The following RSPO1 variants were observed in gnomAD, a reference collection of about 807,000 sequenced individuals.
The protein encoded by RSPO1 is R-spondin 1.
A neutral mutation model predicts 26.0 loss-of-function variants in RSPO1; 18 were observed. The observed-to-expected ratio is 0.69, with a 90% CI of 0.48 to 1.03. RSPO1 has a LOEUF of 1.03. RSPO1 is among the 50% of genes least tolerant of loss of function. RSPO1 has a pLI of 0.00. For missense variants in RSPO1, 309 were observed against 352.3 expected (o/e 0.88, Z 0.98); for synonymous variants, 133 against 137.4 (o/e 0.97, Z 0.22).
At chr1:37,617,686 A>G (rs985362683) in intron 3 of RSPO1, among the ~76,000 whole-genome samples, 12 of 151,108 alleles carry the variant, frequency 7.9e-5, no homozygotes, top group African/African-American at 9.7e-5. Flanking sequence ...AAAAAAAAAA[A>G]AAAGAGAGAA....
intron 3 of RSPO1, among the ~76,000 whole-genome samples, chr1:37,629,214 A>G (rs1644321321): frequency 6.6e-6 from 1 of 152,228 alleles, no homozygotes; most frequent in African/African-American, 2.4e-5. Context: ...GGATTGGGGA[A>G]GCATCTCCAT....
chr1:37,628,895 A>G (rs1263198734), intron 3 of RSPO1, among the ~76,000 whole-genome samples: 1 of 152,156 alleles, frequency 6.6e-6, no homozygotes, highest in South Asian at 2.1e-4. Context: ...CCTCTCTTCC[A>G]ACGACTTCTT....
chr1:37,616,779 G>A (rs1644120406), intron 3 of RSPO1, 104 bp from the exon 4 acceptor site: 1 of 1,098,512 alleles, frequency 9.1e-7, no homozygotes, highest in Non-Finnish European at 1.4e-6. Flanking sequence ...TCCTTCCACA[G>A]AAGGAATATG....
intron 3 of RSPO1, among the ~76,000 whole-genome samples, chr1:37,618,997 G>A (rs1644159803): frequency 6.6e-6 from 1 of 152,114 alleles, no homozygotes; most frequent in Non-Finnish European, 1.5e-5. Context: ...TGAGATGGGT[G>A]GATCACCTGA....
In RSPO1 at chr1:37,612,908, C is replaced by T. The variant is rs375231071; in HGVS notation, c.639G>A (p.Arg213=). 69 of 1,614,002 alleles carry T rather than the reference C, an allele frequency of 4.3e-5. No individual in the cohort carries two copies. The highest frequency in any genetic ancestry group is 5.8e-5 in the Non-Finnish European group (69 of 1,180,034). ...TCTCCCGCCGGCCCTGGCCTCCCTT[C>T]CTCCTCTTCTGCCCTGAAACAACCA... ...RVPCPEGQKR[R]KGGQGRRENA... The change falls in exon 7 of 7, where the codon AGG becomes AGA. Residue 213 remains arginine (R), a synonymous_variant. Transcript: ENST00000356545.
chr1:37,615,111 A>T (rs1644091638), intron 4 of RSPO1, among the ~76,000 whole-genome samples: 1 of 152,082 alleles, frequency 6.6e-6, no homozygotes, highest in South Asian at 2.1e-4. Flanking sequence ...CCATGCTGCC[A>T]GTTTCCTAGG....
chr1:37,616,725 C>T, intron 3 of RSPO1, 50 bp from the exon 4 acceptor site: 1 of 1,500,848 alleles, frequency 6.7e-7, no homozygotes, highest in Non-Finnish European at 9.3e-7. Context: ...AGAACCTCAC[C>T]TATCCAGATT....
intron 5 of RSPO1, 109 bp from the exon 6 acceptor site, chr1:37,614,001 G>A (rs1557429189): frequency 8.7e-6 from 12 of 1,376,638 alleles, no homozygotes; most frequent in African/African-American, 1.4e-5. Flanking sequence ...CTTCTGCCTG[G>A]ACCTGAGGCT....
At chr1:37,617,564 C>G (rs1020319069) in intron 3 of RSPO1, among the ~76,000 whole-genome samples, 2 of 140,292 alleles carry the variant, frequency 1.4e-5, no homozygotes. Flanking sequence ...GAGGCTGAGA[C>G]AGGAGAATAA....
intron 2 of RSPO1, among the ~76,000 whole-genome samples, chr1:37,630,462 CTGG>C (rs1384658372): frequency 6.6e-6 from 1 of 152,242 alleles, no homozygotes; most frequent in Non-Finnish European, 1.5e-5. Flanking sequence ...GCCTGGCCCT[CTGG>C]GCTTGGCGGG....
At chr1:37,633,726 A>C (rs1424388948) in intron 1 of RSPO1, among the ~76,000 whole-genome samples, 2 of 152,238 alleles carry the variant, frequency 1.3e-5, no homozygotes, top group Non-Finnish European at 2.9e-5. Context: ...TGTCGGAGCC[A>C]AGCCAGGTGC....
chr1:37,615,124 C>G (rs769192302), intron 4 of RSPO1, among the ~76,000 whole-genome samples: 1 of 152,148 alleles, frequency 6.6e-6, no homozygotes, highest in Admixed American at 6.5e-5. Flanking sequence ...TTCCTAGGAG[C>G]TGGTGTAGCC....
At chr1:37,632,693 G>T (rs1317305938) in intron 1 of RSPO1, among the ~76,000 whole-genome samples, 1 of 152,174 alleles carries the variant, frequency 6.6e-6, no homozygotes, top group Non-Finnish European at 1.5e-5. Flanking sequence ...TGCTGGACAG[G>T]TCTCGGACTA....
At chr1:37,623,304 T>C (rs1339455010) in intron 3 of RSPO1, among the ~76,000 whole-genome samples, 2 of 151,846 alleles carry the variant, frequency 1.3e-5, no homozygotes, top group East Asian at 1.9e-4. Context: ...CGGTTCATAT[T>C]TGGGGGAAAT....
rs187975427 is a variant in RSPO1, at chr1:37,616,811, G to C, written c.95-136C>G. ...TATGCTTCTCAGAAAGCACCGGCCA[G>C]GCTGGCAGCTCTCTGCAAGGCTGCT... On this transcript the variant is annotated intron_variant, in intron 3 of 6. Transcript: ENST00000356545. The C allele has an allele frequency of 3.7e-4, 314 of 843,456 alleles. 1 individual carries two copies. The African/African-American group carries it at 4.6e-3, about 12-fold the overall frequency. The allele number at this position is 843,456 out of a possible 1,614,324, so 52.2% of individuals were successfully genotyped here. A position where few individuals can be genotyped will look rare whatever the true frequency, so the allele number is the denominator to read the frequency against.
intron 4 of RSPO1, among the ~76,000 whole-genome samples, chr1:37,615,327 T>C (rs558642459): frequency 4.5e-4 from 69 of 152,202 alleles, no homozygotes; most frequent in African/African-American, 1.7e-3. Flanking sequence ...ATAAGAACAA[T>C]AGCAGCTACC....
chr1:37,630,072 G>A lies in RSPO1; in HGVS notation c.-288-123C>T. On this transcript the variant is annotated intron_variant, in intron 2 of 6. Coordinates refer to ENST00000356545, the MANE Select transcript of RSPO1 (RefSeq NM_001242908.2). ...TTGGACATTACAAGTTACCTACCTA[G>A]CACCTTTCTAGAAGAAATCTGCTCC... 5 of 613,924 alleles carry A rather than the reference G, an allele frequency of 8.1e-6. No homozygotes were observed. The South Asian group carries it at 1.0e-4, about 13-fold the overall frequency. 38.0% of individuals were successfully genotyped at this position (613,924 alleles called of 1,614,324 possible). A position where few individuals can be genotyped will look rare whatever the true frequency, so the allele number is the denominator to read the frequency against.
At position 37,629,939 on chromosome 1, in the gene RSPO1, C is replaced by G; in HGVS notation, c.-278G>C. The G allele has an allele frequency of 1.4e-6, 2 of 1,387,274 alleles. No homozygotes were observed. The highest frequency in any genetic ancestry group is 2.0e-6 in the Non-Finnish European group (2 of 997,976). 85.9% of individuals were successfully genotyped at this position (1,387,274 alleles called of 1,614,324 possible). A position where few individuals can be genotyped will look rare whatever the true frequency, so the allele number is the denominator to read the frequency against. On this transcript the variant is annotated 5_prime_UTR_variant, in exon 3 of 7. Coordinates refer to ENST00000356545, the MANE Select transcript of RSPO1 (RefSeq NM_001242908.2). ...TTTGTCACGTCAGCAGGGACTACTC[C>G]AAAAACCAACCTGTCAGGGAAGGAG...
chr1:37,629,936 C>T lies in RSPO1; in HGVS notation c.-275G>A, dbSNP rs1351912315. 4.2e-6 allele frequency: 6 copies of T among 1,424,180 alleles called. No individual in the cohort carries two copies. Among genetic ancestry groups the T allele is most frequent in the Non-Finnish European group, 5.8e-6 (6 of 1,031,694 alleles). 88.2% of individuals were successfully genotyped at this position (1,424,180 alleles called of 1,614,324 possible). A position where few individuals can be genotyped will look rare whatever the true frequency, so the allele number is the denominator to read the frequency against. ...CTTTTTGTCACGTCAGCAGGGACTA[C>T]TCCAAAAACCAACCTGTCAGGGAAG... On this transcript the variant is annotated 5_prime_UTR_variant, in exon 3 of 7. Transcript: ENST00000356545.
Sources: allele counts gnomAD v4.1 joint callset (sites outside exome capture counted in the v4.1 genomes callset), GRCh38; gene constraint gnomAD v4.1.1; transcripts MANE v1.5; gene names NCBI Gene and HGNC (gene_info 2026-07-23, HGNC 2026-07-21).